PCDHGA7: variants seen among roughly 807,000 people sequenced by gnomAD.
PCDHGA7 encodes the protein protocadherin gamma subfamily A, 7.
PCDHGA7 carries 44 observed loss-of-function variants against 58.3 expected under a neutral mutation model. The ratio of observed to expected loss-of-function variants is 0.75; its 90% CI spans 0.59 to 0.97. PCDHGA7 has a LOEUF of 0.97. Ranked by LOEUF, PCDHGA7 falls within the 50% of genes least tolerant of loss-of-function variation. The pLI is 0.00. For missense variants in PCDHGA7, 1,266 were observed against 1,188.7 expected (o/e 1.06, Z -0.96); for synonymous variants, 516 against 504.2 (o/e 1.02, Z -0.31).
chr5:141,458,509 CTTTGT>C (rs1181745590), intron 1 of PCDHGA7, among the ~76,000 whole-genome samples: 1 of 149,986 alleles, frequency 6.7e-6, no homozygotes, highest in Non-Finnish European at 1.5e-5. Context: ...CTGTTTGACA[CTTTGT>C]TTTTTTTTTT....
intron 1 of PCDHGA7, chr5:141,399,854 G>T (rs747617678): frequency 6.2e-7 from 1 of 1,612,904 alleles, no homozygotes; most frequent in Non-Finnish European, 8.5e-7. Flanking sequence ...ATGGTGCCGC[G>T]CGCTGCAGAG....
chr5:141,432,918 A>C lies in PCDHGA7; in HGVS notation c.2424+47595A>C. ...CTGGCGCTCAGGCTGCGGCGCTGGC[A>C]CAAGTCACGCCTGCTGCAGGCTTCA... On this transcript the variant is annotated intron_variant, in intron 1 of 3. Coordinates refer to ENST00000518325, the MANE Select transcript of PCDHGA7 (RefSeq NM_018920.4). This position sits in a 1 kb window ranked among gnomAD's most constrained non-coding sequence, Gnocchi z 6.0. 1 of 1,614,128 alleles carries C rather than the reference A, an allele frequency of 6.2e-7. No homozygotes were observed. Among genetic ancestry groups the C allele is most frequent in the South Asian group, 1.1e-5 (1 of 91,082 alleles).
Position 141,477,167 on chromosome 5 carries a change from G to C in PCDHGA7, c.2425-17640G>C. The C allele has an allele frequency of 6.2e-7, 1 of 1,614,166 alleles. No individual in the cohort carries two copies. Among genetic ancestry groups the C allele is most frequent in the South Asian group, 1.1e-5 (1 of 91,076 alleles). ...TGTGGATGTGAATGACAACGCCCCG[G>C]AGATCACAGTCACCTCCGTGTACAG... On this transcript the variant is annotated intron_variant, in intron 1 of 3. Coordinates refer to ENST00000518325, the MANE Select transcript of PCDHGA7 (RefSeq NM_018920.4). The surrounding 1 kb of genome is among the most constrained non-coding windows in gnomAD (Gnocchi z 4.9).
intron 1 of PCDHGA7, among the ~76,000 whole-genome samples, chr5:141,401,057 A>G (rs1021828194): frequency 1.3e-5 from 2 of 152,170 alleles, no homozygotes; most frequent in Non-Finnish European, 2.9e-5. Flanking sequence ...AAAATACTAT[A>G]TGTTGGCTGG....
At chr5:141,454,774 G>A (rs1228452126) in intron 1 of PCDHGA7, among the ~76,000 whole-genome samples, 2 of 144,796 alleles carry the variant, frequency 1.4e-5, no homozygotes, top group African/African-American at 2.6e-5. Context: ...TTTTTACAAG[G>A]AAATAATCCT....
chr5:141,508,919 C>T (rs1166086266), intron 3 of PCDHGA7, among the ~76,000 whole-genome samples: 1 of 151,996 alleles, frequency 6.6e-6, no homozygotes, highest in Non-Finnish European at 1.5e-5. Context: ...GATCTGGCTT[C>T]CTTTTGGAGT....
chr5:141,455,542 C>T (rs2154565110), intron 1 of PCDHGA7, among the ~76,000 whole-genome samples: 1 of 152,246 alleles, frequency 6.6e-6, no homozygotes, highest in African/African-American at 2.4e-5. Flanking sequence ...ATATCATTCA[C>T]GTAGCCCGAG....
At position 141,489,298 on chromosome 5, in the gene PCDHGA7, T is replaced by C; in HGVS notation, c.2425-5509T>C. On this transcript the variant is annotated intron_variant, in intron 1 of 3. Transcript: ENST00000518325. This position sits in a 1 kb window ranked among gnomAD's most constrained non-coding sequence, Gnocchi z 4.5. ...GAAATGGCAAGTGCTGTGCATGTTG[T>C]CCTTGTGCTGCTGGGGCTGGGTGTC... The C allele has an allele frequency of 6.3e-7, 1 of 1,584,418 alleles. No individual in the cohort carries two copies. The highest frequency in any genetic ancestry group is 8.6e-7 in the Non-Finnish European group (1 of 1,165,192).
At chr5:141,390,854 T>G (rs1366490028) in intron 1 of PCDHGA7, 1 of 157,616 alleles carries the variant, frequency 6.3e-6, no homozygotes, top group Non-Finnish European at 1.4e-5. Context: ...ATATGCAGTG[T>G]ACGCTGTGTG....
intron 3 of PCDHGA7, among the ~76,000 whole-genome samples, chr5:141,505,698 G>A (rs1041309644): frequency 2.0e-5 from 3 of 152,280 alleles, no homozygotes; most frequent in Admixed American, 6.5e-5. Context: ...GGAGGAGAGC[G>A]AACAAGGAAA....
At chr5:141,412,204 T>G (rs2095542280) in intron 1 of PCDHGA7, 1 of 152,240 alleles carries the variant, frequency 6.6e-6, no homozygotes, top group Admixed American at 6.5e-5. Context: ...ACAGGTCATT[T>G]GACATAAACA....
At chr5:141,407,316 G>A (rs2094914682) in intron 1 of PCDHGA7, among the ~76,000 whole-genome samples, 1 of 152,094 alleles carries the variant, frequency 6.6e-6, no homozygotes, top group Non-Finnish European at 1.5e-5. Flanking sequence ...TTCATACTTA[G>A]TATTTATAAA....
At chr5:141,407,767 G>T (rs1458257073) in intron 1 of PCDHGA7, among the ~76,000 whole-genome samples, 1 of 152,140 alleles carries the variant, frequency 6.6e-6, no homozygotes, top group Non-Finnish European at 1.5e-5. Context: ...GTTTGAAATT[G>T]TGCATAATAG....
intron 1 of PCDHGA7, among the ~76,000 whole-genome samples, chr5:141,474,029 C>T (rs1047673843): frequency 6.6e-6 from 1 of 152,092 alleles, no homozygotes; most frequent in Non-Finnish European, 1.5e-5. Context: ...ATGATTATTC[C>T]ACTGTACTCC....
At chr5:141,488,866 G>A (rs957501628) in intron 1 of PCDHGA7, among the ~76,000 whole-genome samples, 1 of 152,148 alleles carries the variant, frequency 6.6e-6, no homozygotes, top group African/African-American at 2.4e-5. Flanking sequence ...GAAGTGAGTG[G>A]GGAGGTAGGA....
chr5:141,419,591 G>A lies in PCDHGA7; in HGVS notation c.2424+34268G>A, dbSNP rs574335266. The A allele has an allele frequency of 2.2e-5, 35 of 1,611,826 alleles. No individual in the cohort carries two copies. The African/African-American group carries it at 4.0e-4, about 18-fold the overall frequency. On this transcript the variant is annotated intron_variant, in intron 1 of 3. Coordinates refer to ENST00000518325, the MANE Select transcript of PCDHGA7 (RefSeq NM_018920.4). ...CGACGGCTCCGCGCTCTTCGACACA[G>A]TGCCGCGGGCCGCGCAGCCAGGCTA...
chr5:141,413,418 G>C (rs748857146), intron 1 of PCDHGA7: 1 of 1,614,084 alleles, frequency 6.2e-7, no homozygotes, highest in Admixed American at 1.7e-5. Context: ...TTTTCTCTCT[G>C]AACCCGCGCA....
chr5:141,427,825 C>A (rs1342117815), intron 1 of PCDHGA7: 1 of 1,536,464 alleles, frequency 6.5e-7, no homozygotes, highest in Non-Finnish European at 8.9e-7. Flanking sequence ...GTGGTGGTCG[C>A]GCAGCGTGCC....
intron 1 of PCDHGA7, among the ~76,000 whole-genome samples, chr5:141,482,944 G>A (rs1362136222): frequency 6.6e-6 from 1 of 152,094 alleles, no homozygotes; most frequent in Non-Finnish European, 1.5e-5. Context: ...GTGGTTGTGG[G>A]TGCCTGTAAT....
Sources: gnomAD v4.1 joint callset for allele counts (sites outside exome capture counted in the v4.1 genomes callset) on GRCh38, gnomAD v4.1.1 for gene constraint, Gnocchi (gnomAD v3.1) non-coding constraint, MANE v1.5 for transcripts, NCBI Gene and HGNC (gene_info 2026-07-23, HGNC 2026-07-21) for gene names.